Variants in GNAL observed in about 807,000 individuals in gnomAD.
The protein encoded by GNAL is G protein subunit alpha L.
GNAL carries 18 observed loss-of-function variants against 55.1 expected under a neutral mutation model. That is an observed-to-expected ratio of 0.33 (90% CI 0.23 to 0.48). The LOEUF (loss-of-function observed/expected upper bound fraction) is 0.48. Among genes scored for constraint, GNAL ranks in the 20% least tolerant of loss-of-function variants. The probability of loss-of-function intolerance (pLI) is 0.99; values close to 1 mark genes in which losing one functional copy is unlikely to be tolerated. For missense variants in GNAL, 412 were observed against 614.1 expected (o/e 0.67, Z 3.48); for synonymous variants, 253 against 237.0 (o/e 1.07, Z -0.62).
At chr18:11,747,300 A>G (rs925228777) in intron 1 of GNAL, 2 of 207,356 alleles carry the variant, frequency 9.6e-6, no homozygotes, top group African/African-American at 2.3e-5. Context: ...CTGGGGAACA[A>G]AAGAAGCCTT....
intron 10 of GNAL, chr18:11,874,043 C>G (rs1477184617): frequency 6.6e-6 from 1 of 152,478 alleles, no homozygotes; most frequent in African/African-American, 2.4e-5. Flanking sequence ...ACAACCTTAC[C>G]TGCTTAGGAG....
intron 4 of GNAL, among the ~76,000 whole-genome samples, chr18:11,806,400 G>A (rs1350248749): frequency 6.6e-6 from 1 of 152,138 alleles, no homozygotes; most frequent in African/African-American, 2.4e-5. Context: ...TGAGGTCTTA[G>A]TCATGAATTC....
intron 1 of GNAL, among the ~76,000 whole-genome samples, chr18:11,700,735 A>C (rs540769879): frequency 1.3e-5 from 2 of 152,354 alleles, no homozygotes; most frequent in South Asian, 4.1e-4. Flanking sequence ...AGAGCCTTGG[A>C]GAAGATGTAG....
intron 4 of GNAL, among the ~76,000 whole-genome samples, chr18:11,782,601 C>A (rs1350019456): frequency 6.6e-6 from 1 of 151,888 alleles, no homozygotes; most frequent in Non-Finnish European, 1.5e-5. Flanking sequence ...TGGAAGAGAT[C>A]ATAGTAAAAT....
At chr18:11,766,833 G>A (rs1240212792) in intron 4 of GNAL, among the ~76,000 whole-genome samples, 1 of 152,180 alleles carries the variant, frequency 6.6e-6, no homozygotes, top group African/African-American at 2.4e-5. Context: ...CTCACTGAGG[G>A]AGATCATAAA....
intron 9 of GNAL, among the ~76,000 whole-genome samples, chr18:11,869,946 TA>T (rs1171316312): frequency 1.3e-5 from 2 of 151,828 alleles, no homozygotes; most frequent in Non-Finnish European, 2.9e-5. Flanking sequence ...ATTGAGCAAA[TA>T]AAAAAATTGA....
chr18:11,823,880 G>C (rs951637125), intron 4 of GNAL, among the ~76,000 whole-genome samples: 2 of 152,076 alleles, frequency 1.3e-5, no homozygotes, highest in Non-Finnish European at 2.9e-5. Flanking sequence ...TGCTTCCATA[G>C]CCGTTTTGGG....
At position 11,884,023 on chromosome 18, in the gene GNAL, T is replaced by C. The variant is rs1217740445; in HGVS notation, c.*2888T>C. 1 of 173,690 alleles carries C rather than the reference T, an allele frequency of 5.8e-6. No individual in the cohort carries two copies. Among genetic ancestry groups the C allele is most frequent in the East Asian group, 1.5e-4 (1 of 6,474 alleles). 10.8% of individuals were successfully genotyped at this position (173,690 alleles called of 1,614,324 possible). A position where few individuals can be genotyped will look rare whatever the true frequency, so the allele number is the denominator to read the frequency against. On this transcript the variant is annotated 3_prime_UTR_variant, in exon 12 of 12. Coordinates refer to ENST00000334049, the MANE Select transcript of GNAL (RefSeq NM_182978.4). Reference sequence around the variant, plus strand: ...TACTTTTAAGGGTACAGCTTTACAGTACATAGGAATTTGAGAACCACTTCA... The same window carrying C: ...TACTTTTAAGGGTACAGCTTTACAGCACATAGGAATTTGAGAACCACTTCA...
At position 11,790,651 on chromosome 18, in the gene GNAL, C is replaced by CTTTTTTT. The variant is rs1232488173; in HGVS notation, c.625-34264_625-34258dup. Among the ~76,000 whole-genome samples the CTTTTTTT allele has an allele frequency of 1.9e-3, 162 of 83,292 alleles. 3 individuals carry two copies. The highest frequency in any genetic ancestry group is 8.1e-3 in the African/African-American group (150 of 18,630). The allele number at this position is 83,292 out of a possible 152,430, so 54.6% of individuals were successfully genotyped here. A position where few individuals can be genotyped will look rare whatever the true frequency, so the allele number is the denominator to read the frequency against. On this transcript the variant is annotated intron_variant, in intron 4 of 11. Coordinates refer to ENST00000334049, the MANE Select transcript of GNAL (RefSeq NM_182978.4). ...GATGGTTTTTCTTTTCTTTTCTTTTCTTTTTTTTTCTTTTTTTTTTTTTTT... is the reference window on the plus strand; with the variant it reads ...GATGGTTTTTCTTTTCTTTTCTTTTCTTTTTTTTTTTTTTTTCTTTTTTTTTTTTTTT...
At chr18:11,792,422 G>A (rs1321559230) in intron 4 of GNAL, among the ~76,000 whole-genome samples, 1 of 152,172 alleles carries the variant, frequency 6.6e-6, no homozygotes, top group African/African-American at 2.4e-5. Context: ...CTGACCTCAG[G>A]TGATCTGCCC....
At position 11,689,760 on chromosome 18, in the gene GNAL, C is replaced by G. The variant is rs2031175155; in HGVS notation, c.197C>G (p.Pro66Arg). The G allele has an allele frequency of 4.6e-6, 7 of 1,516,166 alleles. No individual in the cohort carries two copies. The African/African-American group carries it at 5.8e-5, about 12-fold the overall frequency. The allele number at this position is 1,516,166 out of a possible 1,614,324, so 93.9% of individuals were successfully genotyped here. A position where few individuals can be genotyped will look rare whatever the true frequency, so the allele number is the denominator to read the frequency against. ...GGEGSPACAR[P>R]KADKPKEKRQ... Reference sequence around the variant, plus strand: ...GAAGGGAGCCCGGCATGCGCTCGGCCCAAAGCAGACAAGCCGAAGGAGAAG... The same window carrying G: ...GAAGGGAGCCCGGCATGCGCTCGGCGCAAAGCAGACAAGCCGAAGGAGAAG... The change falls in exon 1 of 12, where the codon CCC becomes CGC. Residue 66 changes from proline (P) to arginine (R), a missense_variant. By Grantham distance (103) the Pro-to-Arg change is moderately radical. Transcript: ENST00000334049.
intron 5 of GNAL, among the ~76,000 whole-genome samples, chr18:11,845,187 G>C (rs1254614965): frequency 6.6e-6 from 1 of 152,134 alleles, no homozygotes; most frequent in African/African-American, 2.4e-5. Flanking sequence ...CTTATAGATT[G>C]TAAGCTTAAT....
intron 1 of GNAL, among the ~76,000 whole-genome samples, chr18:11,739,101 T>TG (rs1379065443): frequency 6.6e-6 from 1 of 152,194 alleles, no homozygotes; most frequent in East Asian, 1.9e-4. Flanking sequence ...CCTAGATCCC[T>TG]GGGGGCACTT....
chr18:11,826,574 C>T (rs1055341425), intron 5 of GNAL, among the ~76,000 whole-genome samples: 2 of 152,268 alleles, frequency 1.3e-5, no homozygotes, highest in South Asian at 2.1e-4. Context: ...TTGCAGAAGG[C>T]AGAGACCCTG....
intron 5 of GNAL, chr18:11,851,379 C>A (rs948278799): frequency 1.7e-6 from 2 of 1,206,870 alleles, no homozygotes; most frequent in African/African-American, 3.1e-5. Flanking sequence ...ACGTCACCAC[C>A]TGCGCCGCTC....
intron 4 of GNAL, among the ~76,000 whole-genome samples, chr18:11,765,894 T>C (rs1367104341): frequency 6.6e-6 from 1 of 152,200 alleles, no homozygotes; most frequent in African/African-American, 2.4e-5. Context: ...CGCCTCCAGT[T>C]TGAATGTATT....
rs567332290 is a variant in GNAL, at chr18:11,694,973, G to A, written c.376+5034G>A. 6.4e-4 allele frequency among the ~76,000 whole-genome samples: 97 copies of A among 152,132 alleles called. 1 individual carries two copies. Among genetic ancestry groups the A allele is most frequent in the African/African-American group, 2.2e-3 (92 of 41,484 alleles). On this transcript the variant is annotated intron_variant, in intron 1 of 11. Transcript: ENST00000334049. ...CTTCCTCTTCTTACGAGGACACTGC[G>A]GGATTAGGGCCCCACCTTACGGCCT...
Position 11,845,257 on chromosome 18 carries a change from G to A in GNAL, c.723-17138G>A, listed in dbSNP as rs184406973. On this transcript the variant is annotated intron_variant, in intron 5 of 11. Transcript: ENST00000334049. ...CTGGCTTCCATATTCCTTCAGAGGT[G>A]GGATTTGTACCGTATTACGCCAGAC... Among the ~76,000 whole-genome samples the A allele has an allele frequency of 5.3e-5, 8 of 152,248 alleles. No individual in the cohort carries two copies. In the East Asian group the frequency reaches 1.5e-3, roughly 29 times the overall value.
intron 5 of GNAL, among the ~76,000 whole-genome samples, chr18:11,844,977 T>C (rs1015708741): frequency 6.6e-6 from 1 of 152,188 alleles, no homozygotes; most frequent in African/African-American, 2.4e-5. Flanking sequence ...GCGGTTCTCC[T>C]GCCTCAGCCT....
Sources: gnomAD v4.1 joint callset for allele counts (sites outside exome capture counted in the v4.1 genomes callset) on GRCh38, gnomAD v4.1.1 for gene constraint, MANE v1.5 for transcripts, NCBI Gene and HGNC (gene_info 2026-07-23, HGNC 2026-07-21) for gene names.